The following CHST9 variants were observed in gnomAD, a reference collection of about 807,000 sequenced individuals.
CHST9 encodes the protein GalNAc-4-sulfotransferase 2.
In CHST9, 41 loss-of-function variants were observed where a neutral mutation model predicts 44.4. The observed-to-expected ratio is 0.92, with a 90% CI of 0.72 to 1.20. The LOEUF (loss-of-function observed/expected upper bound fraction) is 1.20, where lower values mean the gene tolerates loss of function less well. CHST9 is among the 50% of genes most tolerant of loss of function. CHST9 has a pLI of 0.00. For missense variants in CHST9, 504 were observed against 516.5 expected (o/e 0.98, Z 0.23); for synonymous variants, 171 against 178.4 (o/e 0.96, Z 0.33).
chr18:27,176,652 G>A (rs111331786), intron 1 of CHST9, among the ~76,000 whole-genome samples: 2,615 of 152,060 alleles, frequency 0.017, 66 homozygotes, highest in African/African-American at 0.058. Context: ...AATGTAGAGG[G>A]ACTTTCTGAG....
At chr18:26,968,647 T>A (rs2056497344) in intron 4 of CHST9, among the ~76,000 whole-genome samples, 1 of 152,252 alleles carries the variant, frequency 6.6e-6, no homozygotes, top group African/African-American at 2.4e-5. Context: ...TCATTAAATA[T>A]TCTACAATGG....
intron 5 of CHST9, among the ~76,000 whole-genome samples, chr18:26,938,501 T>C (rs1222259489): frequency 6.6e-6 from 1 of 152,192 alleles, no homozygotes; most frequent in African/African-American, 2.4e-5. Context: ...AAAGAGAAAC[T>C]ATCTTTAAGT....
At chr18:27,078,140 G>C (rs1262670861) in intron 2 of CHST9, among the ~76,000 whole-genome samples, 4 of 152,176 alleles carry the variant, frequency 2.6e-5, no homozygotes, top group Non-Finnish European at 5.9e-5. Flanking sequence ...TGGGGACACA[G>C]AATCAAACCA....
chr18:27,093,459 C>T (rs984408900), intron 2 of CHST9, among the ~76,000 whole-genome samples: 14 of 152,226 alleles, frequency 9.2e-5, no homozygotes, highest in African/African-American at 3.4e-4. Flanking sequence ...ATGGCAGATG[C>T]CCCTTCCCCA....
intron 2 of CHST9, among the ~76,000 whole-genome samples, chr18:27,097,433 T>A (rs986660928): frequency 1.3e-5 from 2 of 151,852 alleles, no homozygotes; most frequent in African/African-American, 4.8e-5. Flanking sequence ...AACATCCAAA[T>A]AGGAAAAGAA....
At chr18:27,111,334 A>G (rs2058269037) in intron 2 of CHST9, among the ~76,000 whole-genome samples, 1 of 152,228 alleles carries the variant, frequency 6.6e-6, no homozygotes, top group Admixed American at 6.5e-5. Flanking sequence ...TTGACCTTAC[A>G]GGGTTTTGGA....
intron 2 of CHST9, among the ~76,000 whole-genome samples, chr18:27,118,942 A>G (rs1433508579): frequency 6.6e-6 from 1 of 152,248 alleles, no homozygotes; most frequent in African/African-American, 2.4e-5. Context: ...ACCATTAATA[A>G]AATTGATTAA....
chr18:27,094,416 T>G (rs938775602), intron 2 of CHST9, among the ~76,000 whole-genome samples: 1 of 152,216 alleles, frequency 6.6e-6, no homozygotes, highest in African/African-American at 2.4e-5. Flanking sequence ...TCAGAAAATG[T>G]AAAAAGCCTT....
chr18:27,179,093 TCTCTCTC>T (rs2058890850), intron 1 of CHST9, among the ~76,000 whole-genome samples: 1 of 150,622 alleles, frequency 6.6e-6, no homozygotes, highest in South Asian at 2.1e-4. Context: ...TCTCTCTCTC[TCTCTCTC>T]TCTCTATATA....
intron 4 of CHST9, among the ~76,000 whole-genome samples, chr18:27,000,658 C>A (rs11662834): frequency 0.064 from 4,751 of 74,532 alleles, 102 homozygotes; most frequent in South Asian, 0.13. Flanking sequence ...CTATCTATCT[C>A]TCTATCTATC....
chr18:27,022,916 T>G (rs1221681658), intron 4 of CHST9, among the ~76,000 whole-genome samples: 1 of 152,246 alleles, frequency 6.6e-6, no homozygotes, highest in African/African-American at 2.4e-5. Context: ...GGAATTTTAT[T>G]TATCTCTACA....
intron 1 of CHST9, 130 bp from the exon 2 acceptor site, chr18:27,143,035 G>C: frequency 3.0e-6 from 1 of 337,442 alleles, no homozygotes; most frequent in Admixed American, 4.8e-5. Context: ...AGACAGAAAA[G>C]ACTGTAGTAG....
chr18:26,971,397 T>C (rs375462415), intron 4 of CHST9, among the ~76,000 whole-genome samples: 125 of 152,378 alleles, frequency 8.2e-4, no homozygotes, highest in African/African-American at 2.7e-3. Context: ...GCTGTGCACC[T>C]GGCATTGTTG....
At chr18:27,013,663 T>G (rs2057112514) in intron 4 of CHST9, among the ~76,000 whole-genome samples, 2 of 152,214 alleles carry the variant, frequency 1.3e-5, no homozygotes. Context: ...CCCTAGTTGC[T>G]TCTCTCTTTT....
At chr18:26,920,979 G>C (rs1228356047) in intron 5 of CHST9, among the ~76,000 whole-genome samples, 1 of 152,110 alleles carries the variant, frequency 6.6e-6, no homozygotes, top group Non-Finnish European at 1.5e-5. Context: ...CAGAATGTCT[G>C]AGTGTAAGGC....
At chr18:27,132,280 T>A (rs1181811566) in intron 2 of CHST9, among the ~76,000 whole-genome samples, 1 of 152,224 alleles carries the variant, frequency 6.6e-6, no homozygotes, top group Non-Finnish European at 1.5e-5. Flanking sequence ...TCACAACATG[T>A]CAGCTAAATG....
intron 2 of CHST9, among the ~76,000 whole-genome samples, chr18:27,126,439 C>T (rs1293923197): frequency 2.0e-5 from 3 of 152,094 alleles, no homozygotes; most frequent in Non-Finnish European, 4.4e-5. Context: ...AATCTACCCT[C>T]GTGAGGGCTT....
chr18:27,069,149 G>C (rs947237182), intron 2 of CHST9, among the ~76,000 whole-genome samples: 1 of 152,082 alleles, frequency 6.6e-6, no homozygotes, highest in Non-Finnish European at 1.5e-5. Context: ...AGTGGTGTTA[G>C]GGTTAAATAA....
At chr18:27,134,484 C>T (rs2058497456) in intron 2 of CHST9, among the ~76,000 whole-genome samples, 1 of 152,064 alleles carries the variant, frequency 6.6e-6, no homozygotes, top group South Asian at 2.1e-4. Context: ...CAAAACAAAA[C>T]AAAAACTAGT....
Sources: allele counts gnomAD v4.1 joint callset (sites outside exome capture counted in the v4.1 genomes callset), GRCh38; gene constraint gnomAD v4.1.1; transcripts MANE v1.5; gene names NCBI Gene and HGNC (gene_info 2026-07-23, HGNC 2026-07-21).